The following ARHGAP6 variants were observed in gnomAD, a reference collection of about 807,000 sequenced individuals.
ARHGAP6 encodes the protein Rho GTPase activating protein 6, also known as rho GTPase-activating protein 6.
In ARHGAP6, 16 loss-of-function variants were observed where a neutral mutation model predicts 55.7. That is an observed-to-expected ratio of 0.29 (90% CI 0.19 to 0.44). The LOEUF (loss-of-function observed/expected upper bound fraction) is 0.44, where lower values mean the gene tolerates loss of function less well. ARHGAP6 is among the 20% of genes least tolerant of loss of function. ARHGAP6 has a pLI of 1.00. For synonymous variants in ARHGAP6, 382 were observed against 360.9 expected (o/e 1.06, Z -0.66); for missense variants, 698 against 808.9 (o/e 0.86, Z 1.66).
At position 11,479,446 on chromosome X, in the gene ARHGAP6, G is replaced by A. The variant is rs142709231; in HGVS notation, c.588+184795C>T. ...AACAGGTCATTGTATACATTCAGCT[G>A]CTTAGGAAGTATCTGCAAATGTGAC... On this transcript the variant is annotated intron_variant, in intron 1 of 12. Transcript: ENST00000337414. Among the ~76,000 whole-genome samples, 924 of 111,601 alleles carry A rather than the reference G, an allele frequency of 8.3e-3. 10 individuals carry two copies. Among genetic ancestry groups the A allele is most frequent in the African/African-American group, 0.024 (723 of 30,685 alleles).
At chrX:11,287,352 G>A (rs2047933693) in intron 1 of ARHGAP6, among the ~76,000 whole-genome samples, 1 of 112,007 alleles carries the variant, frequency 8.9e-6, no homozygotes. Flanking sequence ...TGAGCAAGTG[G>A]GTGAAGAGTG....
intron 1 of ARHGAP6, among the ~76,000 whole-genome samples, chrX:11,554,600 T>A (rs1419449434): frequency 1.8e-5 from 2 of 112,029 alleles, no homozygotes; most frequent in Non-Finnish European, 3.8e-5. Flanking sequence ...TAAAAAAGAA[T>A]CAACCTATTA....
intron 1 of ARHGAP6, among the ~76,000 whole-genome samples, chrX:11,420,796 C>T (rs1271332399): frequency 8.9e-6 from 1 of 111,803 alleles, no homozygotes; most frequent in African/African-American, 3.3e-5. Context: ...CACATCCACA[C>T]ACCAAGGCTG....
At chrX:11,636,264 A>G (rs5979443) in intron 1 of ARHGAP6, among the ~76,000 whole-genome samples, 15,669 of 111,509 alleles carry the variant, frequency 0.14, 1,017 homozygotes, top group Middle Eastern at 0.25. Context: ...TCACTAAATT[A>G]AGTCAACCTG....
chrX:11,331,459 C>T (rs144714731), intron 1 of ARHGAP6, among the ~76,000 whole-genome samples: 433 of 111,979 alleles, frequency 3.9e-3, no homozygotes, highest in African/African-American at 0.01. Context: ...GTTAAATAAA[C>T]GTGTATGCCT....
intron 1 of ARHGAP6, among the ~76,000 whole-genome samples, chrX:11,565,945 C>A (rs1428299643): frequency 9.0e-6 from 1 of 111,375 alleles, no homozygotes; most frequent in Non-Finnish European, 1.9e-5. Context: ...CAAGGAGGGA[C>A]CTATTCAGAG....
intron 2 of ARHGAP6, among the ~76,000 whole-genome samples, chrX:11,245,711 T>C (rs768181653): frequency 8.9e-6 from 1 of 111,922 alleles, no homozygotes; most frequent in Non-Finnish European, 1.9e-5. Flanking sequence ...GAGAATATTA[T>C]AAAGAATATC....
intron 2 of ARHGAP6, among the ~76,000 whole-genome samples, chrX:11,199,137 T>C (rs1417422902): frequency 3.6e-5 from 4 of 112,137 alleles, no homozygotes; most frequent in Non-Finnish European, 7.5e-5. Context: ...TTGATTGCTA[T>C]ATAGTAGGGG....
intron 1 of ARHGAP6, among the ~76,000 whole-genome samples, chrX:11,333,359 T>C (rs979660271): frequency 8.9e-6 from 1 of 111,887 alleles, no homozygotes; most frequent in African/African-American, 3.2e-5. Flanking sequence ...TTGCCCCTTT[T>C]GCTCAGCAAG....
intron 1 of ARHGAP6, among the ~76,000 whole-genome samples, chrX:11,433,503 C>T (rs1053324549): frequency 1.8e-5 from 2 of 111,853 alleles, no homozygotes; most frequent in Admixed American, 9.4e-5. Flanking sequence ...AAGGAGAGGC[C>T]GCAATTTCTC....
intron 1 of ARHGAP6, among the ~76,000 whole-genome samples, chrX:11,376,824 A>C: frequency 9.0e-6 from 1 of 111,347 alleles, no homozygotes; most frequent in African/African-American, 3.3e-5. Context: ...ATATAAGCAA[A>C]GACCATCAAT....
In ARHGAP6 at chrX:11,629,385, T is replaced by C. The variant is rs760432114; in HGVS notation, c.588+34856A>G. Among the ~76,000 whole-genome samples the C allele has an allele frequency of 7.3e-4, 81 of 111,397 alleles. 1 individual carries two copies. The highest frequency in any genetic ancestry group is 1.3e-3 in the Non-Finnish European group (71 of 53,089). Reference sequence around the variant, plus strand: ...TCTTTAATCTTTCTACATGTGCTCTTTGTGGTCATTTTTCACTCATTCATT... The same window carrying C: ...TCTTTAATCTTTCTACATGTGCTCTCTGTGGTCATTTTTCACTCATTCATT... On this transcript the variant is annotated intron_variant, in intron 1 of 12. Coordinates refer to ENST00000337414, the MANE Select transcript of ARHGAP6 (RefSeq NM_013427.3).
At chrX:11,332,562 C>A (rs1302818343) in intron 1 of ARHGAP6, among the ~76,000 whole-genome samples, 1 of 111,781 alleles carries the variant, frequency 8.9e-6, no homozygotes, top group African/African-American at 3.3e-5. Context: ...GATGGTTTGA[C>A]TCAAGTTCAT....
intron 1 of ARHGAP6, among the ~76,000 whole-genome samples, chrX:11,473,802 A>G (rs1431160200): frequency 8.9e-6 from 1 of 112,052 alleles, no homozygotes; most frequent in Non-Finnish European, 1.9e-5. Flanking sequence ...TTTGGGCCAA[A>G]AAAAGTACAT....
intron 1 of ARHGAP6, among the ~76,000 whole-genome samples, chrX:11,623,728 A>T (rs1257600185): frequency 9.2e-6 from 1 of 108,978 alleles, no homozygotes; most frequent in Non-Finnish European, 1.9e-5. Context: ...TGAAGAGGAC[A>T]TAAAAGACAT....
chrX:11,454,765 G>A (rs904296657), intron 1 of ARHGAP6, among the ~76,000 whole-genome samples: 1 of 112,361 alleles, frequency 8.9e-6, no homozygotes, highest in African/African-American at 3.2e-5. Context: ...GGTTCTTGGT[G>A]TGCACTGGGC....
At chrX:11,277,127 T>C (rs1195713460) in intron 1 of ARHGAP6, among the ~76,000 whole-genome samples, 1 of 111,798 alleles carries the variant, frequency 8.9e-6, no homozygotes, top group Non-Finnish European at 1.9e-5. Flanking sequence ...AGTAGAATCA[T>C]ATAATATGTG....
intron 1 of ARHGAP6, among the ~76,000 whole-genome samples, chrX:11,426,575 G>A (rs949122939): frequency 9.0e-6 from 1 of 110,831 alleles, no homozygotes; most frequent in African/African-American, 3.3e-5. Context: ...CAACTGCAGT[G>A]TCTCATCTCA....
At chrX:11,275,422 A>G (rs1400954811) in intron 1 of ARHGAP6, among the ~76,000 whole-genome samples, 1 of 111,467 alleles carries the variant, frequency 9.0e-6, no homozygotes. Context: ...ACCCAGGAAA[A>G]CTGAAGCAAA....
Sources: gnomAD v4.1 joint callset for allele counts (sites outside exome capture counted in the v4.1 genomes callset) on GRCh38, gnomAD v4.1.1 for gene constraint, MANE v1.5 for transcripts, NCBI Gene and HGNC (gene_info 2026-07-23, HGNC 2026-07-21) for gene names.